Variants in WDR7 observed in about 807,000 individuals in gnomAD.
The protein encoded by WDR7 is WD repeat-containing protein 7.
Under a neutral mutation model 169.4 loss-of-function variants are expected in WDR7, and 46 were observed. That is an observed-to-expected ratio of 0.27 (90% CI 0.21 to 0.35). The LOEUF (loss-of-function observed/expected upper bound fraction) is 0.35. Ranked by LOEUF, WDR7 falls within the 10% of genes least tolerant of loss-of-function variation. The probability of loss-of-function intolerance (pLI) is 1.00; values close to 1 mark genes in which losing one functional copy is unlikely to be tolerated. For synonymous variants in WDR7, 612 were observed against 666.8 expected, an observed-to-expected ratio of 0.92 and a Z score of 1.27; for missense variants, 1,534 against 1,859.3, an observed-to-expected ratio of 0.83 and a Z score of 3.22.
intron 7 of WDR7, among the ~76,000 whole-genome samples, chr18:56,690,209 C>T (rs2025534604): frequency 6.6e-6 from 1 of 152,096 alleles, no homozygotes. Context: ...TTGATCAAAT[C>T]TTTATTTGTG....
Position 56,756,609 on chromosome 18 carries a change from C to T in WDR7, c.2016C>T (p.Asn672=). The T allele has an allele frequency of 6.2e-7, 1 of 1,606,724 alleles. No homozygotes were observed. Among genetic ancestry groups the T allele is most frequent in the Non-Finnish European group, 8.5e-7 (1 of 1,177,398 alleles). ...DKGNLPKYSH[N]SLMVQAIKTN... is the part of the protein sequence containing the mutation. ...GAAATTTACCTAAATATTCTCATAA[C>T]TCCCTGATGGTTCAAGCAATAAAGA... The change falls in exon 15 of 28, where the codon AAC becomes AAT. Residue 672 remains asparagine, a synonymous_variant. Coordinates refer to ENST00000254442, the MANE Select transcript of WDR7 (RefSeq NM_015285.3).
intron 7 of WDR7, among the ~76,000 whole-genome samples, chr18:56,687,788 G>A (rs2025473065): frequency 6.6e-6 from 1 of 152,046 alleles, no homozygotes; most frequent in South Asian, 2.1e-4. Context: ...TACCAAGCCT[G>A]GCTAATTTTA....
At chr18:56,797,138 A>C (rs1379544476) in intron 19 of WDR7, among the ~76,000 whole-genome samples, 1 of 152,006 alleles carries the variant, frequency 6.6e-6, no homozygotes, top group Admixed American at 6.6e-5. Flanking sequence ...AGTTGCTAGA[A>C]CTCTTTGGTA....
At chr18:56,993,541 A>C (rs1021461760) in intron 26 of WDR7, among the ~76,000 whole-genome samples, 1 of 151,880 alleles carries the variant, frequency 6.6e-6, no homozygotes, top group Non-Finnish European at 1.5e-5. Flanking sequence ...CTCTTAAAAA[A>C]TTGAATTTGT....
Position 56,759,532 on chromosome 18 carries a change from ATATACT to A in WDR7, c.2848+582_2848+587del, listed in dbSNP as rs541713544. Among the ~76,000 whole-genome samples the A allele has an allele frequency of 4.1e-4, 63 of 152,308 alleles. 3 individuals are homozygous for A. The South Asian group carries it at 0.013, about 31-fold the overall frequency. ...ACATATTCCTGAGTATAATTAATTAATATACTTAGATGTATCTGCATATATCTTTTA... is the reference window on the plus strand; with the variant it reads ...ACATATTCCTGAGTATAATTAATTAATAGATGTATCTGCATATATCTTTTA... On this transcript the variant is annotated intron_variant, in intron 16 of 27. Coordinates refer to ENST00000254442, the MANE Select transcript of WDR7 (RefSeq NM_015285.3).
intron 20 of WDR7, among the ~76,000 whole-genome samples, chr18:56,879,243 A>G (rs549132982): frequency 6.6e-6 from 1 of 152,284 alleles, no homozygotes; most frequent in East Asian, 1.9e-4. Flanking sequence ...ATGCCCAACA[A>G]CAAAGCATGA....
chr18:56,708,991 G>C (rs1229847400), intron 12 of WDR7, among the ~76,000 whole-genome samples: 1 of 151,922 alleles, frequency 6.6e-6, no homozygotes, highest in African/African-American at 2.4e-5. Flanking sequence ...AGAGCTTGCA[G>C]ATTTAACCAT....
intron 20 of WDR7, among the ~76,000 whole-genome samples, chr18:56,842,153 C>G (rs941509632): frequency 6.6e-6 from 1 of 152,072 alleles, no homozygotes; most frequent in African/African-American, 2.4e-5. Flanking sequence ...CTATCTTAGT[C>G]CCTTTTGTGT....
chr18:56,944,243 C>T (rs1189481623), intron 25 of WDR7, among the ~76,000 whole-genome samples: 6 of 151,210 alleles, frequency 4.0e-5, no homozygotes, highest in Non-Finnish European at 7.4e-5. Context: ...CTGCCTGGCT[C>T]GTCCTCCCAA....
chr18:56,666,611 A>G (rs1187086006), intron 1 of WDR7, among the ~76,000 whole-genome samples: 1 of 152,194 alleles, frequency 6.6e-6, no homozygotes, highest in African/African-American at 2.4e-5. Context: ...AGTTCCATTT[A>G]TCTTTTAATG....
intron 26 of WDR7, among the ~76,000 whole-genome samples, chr18:56,971,782 G>A (rs2047492103): frequency 2.6e-5 from 4 of 152,194 alleles, no homozygotes; most frequent in Admixed American, 2.6e-4. Context: ...CACAGGGAAA[G>A]CATGCTTATC....
chr18:56,986,722 G>T (rs545211349), intron 26 of WDR7, among the ~76,000 whole-genome samples: 6 of 150,958 alleles, frequency 4.0e-5, no homozygotes, highest in African/African-American at 1.5e-4. Context: ...ACCCAATGAC[G>T]GGGGAAAATA....
At chr18:56,885,914 G>C (rs2046185742) in intron 21 of WDR7, among the ~76,000 whole-genome samples, 1 of 151,006 alleles carries the variant, frequency 6.6e-6, no homozygotes, top group Non-Finnish European at 1.5e-5. Flanking sequence ...AATTTTAAAA[G>C]AATTTTTAAA....
At chr18:56,709,239 A>C (rs2144702057) in intron 12 of WDR7, among the ~76,000 whole-genome samples, 1 of 152,180 alleles carries the variant, frequency 6.6e-6, no homozygotes, top group African/African-American at 2.4e-5. Context: ...AGATGAAACT[A>C]TTCAGATTAA....
At chr18:56,728,074 C>T (rs2026499932) in intron 13 of WDR7, among the ~76,000 whole-genome samples, 1 of 152,144 alleles carries the variant, frequency 6.6e-6, no homozygotes, top group African/African-American at 2.4e-5. Context: ...GATGTCTTCT[C>T]ATGGTTATTT....
chr18:56,946,216 T>A (rs74899325), intron 25 of WDR7, among the ~76,000 whole-genome samples: 1 of 152,152 alleles, frequency 6.6e-6, no homozygotes, highest in African/African-American at 2.4e-5. Context: ...CTGTCTGTTC[T>A]CCTCCGGGGT....
intron 16 of WDR7, 74 bp downstream of exon 16, chr18:56,759,027 A>G: frequency 1.6e-6 from 2 of 1,215,802 alleles, no homozygotes; most frequent in Non-Finnish European, 2.3e-6. Flanking sequence ...GCTAATGTAT[A>G]ATCATAATAT....
intron 26 of WDR7, among the ~76,000 whole-genome samples, chr18:56,997,687 A>AT (rs898248043): frequency 2.6e-5 from 4 of 151,906 alleles, no homozygotes; most frequent in South Asian, 2.1e-4. Context: ...TCATCTTGGG[A>AT]TTTTTTTTGG....
chr18:56,770,394 A>G (rs945161252), intron 16 of WDR7, among the ~76,000 whole-genome samples: 11 of 152,206 alleles, frequency 7.2e-5, no homozygotes, highest in African/African-American at 2.7e-4. Context: ...ACCAAATTCA[A>G]GTTAGTGTTT....
Sources: allele counts gnomAD v4.1 joint callset (sites outside exome capture counted in the v4.1 genomes callset), GRCh38; gene constraint gnomAD v4.1.1; transcripts MANE v1.5; gene names NCBI Gene and HGNC (gene_info 2026-07-23, HGNC 2026-07-21).